KCNA2: variants seen among roughly 807,000 people sequenced by gnomAD.
The protein encoded by KCNA2 is potassium voltage-gated channel subfamily A member 2.
A neutral mutation model predicts 33.4 loss-of-function variants in KCNA2; 11 were observed. The observed-to-expected ratio is 0.33, with a 90% confidence interval of 0.21 to 0.55. The LOEUF is 0.55. Among genes scored for constraint, KCNA2 ranks in the 20% least tolerant of loss-of-function variants. KCNA2 has a pLI of 0.93. For missense variants in KCNA2, 291 were observed against 621.6 expected (o/e 0.47, Z 5.66); for synonymous variants, 222 against 231.3 (o/e 0.96, Z 0.37).
At chr1:110,611,661 G>A (rs551072139) in intron 1 of KCNA2, among the ~76,000 whole-genome samples, 99 of 151,898 alleles carry the variant, frequency 6.5e-4, no homozygotes, top group African/African-American at 2.2e-3. Context: ...AGGAGTTTGA[G>A]GCTGCAGTGA....
Position 110,600,055 on chromosome 1 carries a change from A to G in KCNA2, c.*3228T>C. 1 of 984,362 alleles carries G rather than the reference A, an allele frequency of 1.0e-6. No homozygotes were observed. The allele number at this position is 984,362 out of a possible 1,614,324, so 61.0% of individuals were successfully genotyped here. The stretch of plus-strand genomic sequence containing the variant: ...GGAGTGAAATCTGGTAGTGAGAGAA[A>G]AGAATAGAGAAAGAGATTCCTTGAA... On this transcript the variant is annotated 3_prime_UTR_variant, in exon 3 of 3. Transcript: ENST00000316361.
chr1:110,618,263 C>A (rs1650135087), intron 1 of KCNA2, among the ~76,000 whole-genome samples: 1 of 152,232 alleles, frequency 6.6e-6, no homozygotes, highest in Non-Finnish European at 1.5e-5. Context: ...GGGAGGATCA[C>A]TTGAGTCCAA....
At chr1:110,615,876 C>T (rs1383510981) in intron 1 of KCNA2, among the ~76,000 whole-genome samples, 2 of 152,144 alleles carry the variant, frequency 1.3e-5, no homozygotes, top group African/African-American at 4.8e-5. Context: ...CTCTCACACT[C>T]GCAACCAGGA....
chr1:110,599,518 G>C lies in KCNA2; in HGVS notation c.*3765C>G, dbSNP rs1036048312. On this transcript the variant is annotated 3_prime_UTR_variant, in exon 3 of 3. Coordinates refer to ENST00000316361, the MANE Select transcript of KCNA2 (RefSeq NM_004974.4). ...ATTGAACACACCCAGAGGGGAATCA[G>C]GAGTTGGCCCCTTTGGGCTTATGCA... 2 of 985,118 alleles carry C rather than the reference G, an allele frequency of 2.0e-6. No individual in the cohort carries two copies. The highest frequency in any genetic ancestry group is 3.5e-5 in the African/African-American group (2 of 57,144). The allele number at this position is 985,118 out of a possible 1,614,324, so 61.0% of individuals were successfully genotyped here.
intron 1 of KCNA2, among the ~76,000 whole-genome samples, chr1:110,612,885 C>G (rs1400886228): frequency 6.6e-6 from 1 of 152,222 alleles, no homozygotes; most frequent in Non-Finnish European, 1.5e-5. Context: ...CAGGTTAAGA[C>G]TTGAAGTCAG....
intron 1 of KCNA2, among the ~76,000 whole-genome samples, chr1:110,616,298 C>T (rs1431285558): frequency 1.3e-5 from 2 of 152,124 alleles, no homozygotes; most frequent in Non-Finnish European, 2.9e-5. Context: ...CCCACCCCCA[C>T]CCCCACCACC....
chr1:110,609,572 T>G (rs1649801467), upstream of KCNA2, among the ~76,000 whole-genome samples: 1 of 152,204 alleles, frequency 6.6e-6, no homozygotes, highest in Non-Finnish European at 1.5e-5. Context: ...GCAGGTGGAA[T>G]GAGCAGCTCT....
rs1304802178 is a variant in KCNA2, at chr1:110,601,695, A to T, written c.*1588T>A. 1 of 1,111,368 alleles carries T rather than the reference A, an allele frequency of 9.0e-7. No homozygotes were observed. The highest frequency in any genetic ancestry group is 1.6e-5 in the African/African-American group (1 of 61,648). The allele number at this position is 1,111,368 out of a possible 1,614,324, so 68.8% of individuals were successfully genotyped here. On this transcript the variant is annotated 3_prime_UTR_variant, in exon 3 of 3. Transcript: ENST00000316361. The stretch of plus-strand genomic sequence containing the variant: ...CCCAGGCCCAGTGGGGTTACCAATG[A>T]GACAAATTAACCCATTAGGCCTCTT...
rs552736257 is a variant in KCNA2, at chr1:110,626,857, C to A, written c.-496+4538G>T. Among the ~76,000 whole-genome samples the A allele has an allele frequency of 3.3e-5, 5 of 152,346 alleles. No homozygotes were observed. The South Asian group carries it at 1.0e-3, about 32-fold the overall frequency. On this transcript the variant is annotated intron_variant, in intron 1 of 4. Transcript: ENST00000369770. ...AGTCTTTGTTTTTTCCACCTCCCTG[C>A]ATGGAATTCCCACCCCTACCAGTTA...
At position 110,599,581 on chromosome 1, in the gene KCNA2, C is replaced by A. The variant is rs185349511; in HGVS notation, c.*3702G>T. On this transcript the variant is annotated 3_prime_UTR_variant, in exon 3 of 3. Transcript: ENST00000316361. ...AAATGCCACAAGCAAGTAAAGGTGG[C>A]TCATTTTAAGAGACAGGTCTCTATA... 2.0e-6 allele frequency: 2 copies of A among 985,404 alleles called. No homozygotes were observed. Among genetic ancestry groups the A allele is most frequent in the Admixed American group, 6.1e-5 (1 of 16,282 alleles). 61.0% of individuals were successfully genotyped at this position (985,404 alleles called of 1,614,324 possible).
At position 110,601,752 on chromosome 1, in the gene KCNA2, T is replaced by A; in HGVS notation, c.*1531A>T. ...CCAACCCACCAAGCAGTGGATTTGC[T>A]CCTGAACCTGAACTCCAGAAAATGA... On this transcript the variant is annotated 3_prime_UTR_variant, in exon 3 of 3. Transcript: ENST00000316361. 6 of 1,189,234 alleles carry A rather than the reference T, an allele frequency of 5.0e-6. No homozygotes were observed. The highest frequency in any genetic ancestry group is 6.2e-6 in the Non-Finnish European group (6 of 963,494). The allele number at this position is 1,189,234 out of a possible 1,614,324, so 73.7% of individuals were successfully genotyped here.
chr1:110,599,872 G>A lies in KCNA2; in HGVS notation c.*3411C>T, dbSNP rs1649261588. 1.0e-6 allele frequency: 1 copy of A among 985,238 alleles called. No individual in the cohort carries two copies. The highest frequency in any genetic ancestry group is 1.1e-4 in the East Asian group (1 of 8,820). The allele number at this position is 985,238 out of a possible 1,614,324, so 61.0% of individuals were successfully genotyped here. A position where few individuals can be genotyped will look rare whatever the true frequency, so the allele number is the denominator to read the frequency against. ...GGTCATGGCAAGGAGGCCTATATTA[G>A]GCTACCAGCTGTCCCAGGTACTTTC... is the stretch of plus-strand genomic sequence containing the variant. On this transcript the variant is annotated 3_prime_UTR_variant, in exon 3 of 3. Transcript: ENST00000316361.
intron 1 of KCNA2, among the ~76,000 whole-genome samples, chr1:110,630,569 C>T (rs977258349): frequency 6.6e-6 from 1 of 152,148 alleles, no homozygotes; most frequent in African/African-American, 2.4e-5. Context: ...CCAAAATCAT[C>T]ATGTCATCTT....
In KCNA2 at chr1:110,599,010, C is replaced by G. The variant is rs967489192; in HGVS notation, c.*4273G>C. The stretch of plus-strand genomic sequence containing the variant: ...AAGCCAACAGGAATGGTACCTTGAC[C>G]TGGAAACACAAGTTTCCAGCAAAGC... On this transcript the variant is annotated 3_prime_UTR_variant, in exon 3 of 3. Transcript: ENST00000316361. 3.0e-6 allele frequency: 3 copies of G among 985,286 alleles called. No homozygotes were observed. Among genetic ancestry groups the G allele is most frequent in the African/African-American group, 1.7e-5 (1 of 57,220 alleles). The allele number at this position is 985,286 out of a possible 1,614,324, so 61.0% of individuals were successfully genotyped here.
intron 1 of KCNA2, among the ~76,000 whole-genome samples, chr1:110,622,822 A>C (rs1401410882): frequency 6.6e-6 from 1 of 152,226 alleles, no homozygotes; most frequent in East Asian, 1.9e-4. Flanking sequence ...CATTAATGGT[A>C]GAAATGAAAG....
rs985486056 is a variant in KCNA2, at chr1:110,596,358, T to G, written c.*6925A>C. On this transcript the variant is annotated 3_prime_UTR_variant, in exon 3 of 3. Transcript: ENST00000316361. ...TACTATATATATATATATACACACA[T>G]AAATATATGTATATATGGAAAACCT... 5.7e-6 allele frequency: 2 copies of G among 349,668 alleles called. No individual in the cohort carries two copies. Among genetic ancestry groups the G allele is most frequent in the Non-Finnish European group, 8.0e-6 (2 of 250,428 alleles). 21.7% of individuals were successfully genotyped at this position (349,668 alleles called of 1,614,324 possible). A position where few individuals can be genotyped will look rare whatever the true frequency, so the allele number is the denominator to read the frequency against.
Position 110,595,552 on chromosome 1 carries a change from AC to A in KCNA2, c.*7730del. The A allele has an allele frequency of 1.0e-6, 1 of 985,518 alleles. No individual in the cohort carries two copies. The highest frequency in any genetic ancestry group is 1.2e-6 in the Non-Finnish European group (1 of 829,992). 61.0% of individuals were successfully genotyped at this position (985,518 alleles called of 1,614,324 possible). A position where few individuals can be genotyped will look rare whatever the true frequency, so the allele number is the denominator to read the frequency against. On this transcript the variant is annotated 3_prime_UTR_variant, in exon 3 of 3. Transcript: ENST00000316361. The stretch of plus-strand genomic sequence containing the variant: ...CCCACTCCCATCTAGGTAGAAAGCA[AC>A]AGTCAAATGCAAGAGGTGAGGCTGA...
chr1:110,622,624 T>A (rs1650288231), intron 1 of KCNA2, among the ~76,000 whole-genome samples: 1 of 152,104 alleles, frequency 6.6e-6, no homozygotes, highest in African/African-American at 2.4e-5. Context: ...CTACTAGAAT[T>A]CATAAGTGAG....
chr1:110,623,922 C>CAAAAA (rs756859389), intron 1 of KCNA2, among the ~76,000 whole-genome samples: 2 of 125,570 alleles, frequency 1.6e-5, no homozygotes, highest in African/African-American at 5.5e-5. Context: ...ACAGTGAAGC[C>CAAAAA]AAAAAAAAAA....
Sources: gnomAD v4.1 joint callset for allele counts (sites outside exome capture counted in the v4.1 genomes callset) on GRCh38, gnomAD v4.1.1 for gene constraint, MANE v1.5 for transcripts, NCBI Gene and HGNC (gene_info 2026-07-23, HGNC 2026-07-21) for gene names.